The following LUZP2 variants were observed in gnomAD, a reference collection of about 807,000 sequenced individuals.
LUZP2 encodes the protein leucine zipper protein 2.
Under a neutral mutation model 51.6 loss-of-function variants are expected in LUZP2, and 52 were observed. The ratio of observed to expected loss-of-function variants is 1.01; its 90% CI spans 0.81 to 1.27. LUZP2 has a LOEUF of 1.27. LUZP2 is among the 50% of genes most tolerant of loss of function. LUZP2 has a pLI of 0.00. For synonymous variants in LUZP2, 154 were observed against 137.3 expected, an observed-to-expected ratio of 1.12 and a Z score of -0.85; for missense variants, 436 against 395.4, an observed-to-expected ratio of 1.10 and a Z score of -0.87.
Position 25,081,432 on chromosome 11 carries a change from A to G in LUZP2, c.*2774A>G, listed in dbSNP as rs1204437374. On this transcript the variant is annotated 3_prime_UTR_variant, in exon 12 of 12. Transcript: ENST00000336930. ...CATCATTTGTTTAAAAAAAAAAAAG[A>G]AACTTGTAGCAGGAGACATTTAAAA... 1 of 151,972 alleles carries G rather than the reference A, an allele frequency of 6.6e-6. No homozygotes were observed. Among genetic ancestry groups the G allele is most frequent in the Non-Finnish European group, 1.5e-5 (1 of 67,982 alleles). 9.4% of individuals were successfully genotyped at this position (151,972 alleles called of 1,614,324 possible).
chr11:24,588,357 T>A (rs999392038), intron 1 of LUZP2, among the ~76,000 whole-genome samples: 1 of 152,162 alleles, frequency 6.6e-6, no homozygotes, highest in Non-Finnish European at 1.5e-5. Flanking sequence ...GAAGCTGCGA[T>A]TGACCACAAT....
rs187927358 is a variant in LUZP2 at position 25,031,285 on chromosome 11, C to T, written c.766-18753C>T. ...TCGGCATCCCAAAGTGCTGGTATTA[C>T]AGGCGTGAGCCACCATGCCCAGACT... On this transcript the variant is annotated intron_variant, in intron 9 of 11. Coordinates refer to ENST00000336930, the MANE Select transcript of LUZP2 (RefSeq NM_001009909.4). 3.5e-3 allele frequency among the ~76,000 whole-genome samples: 536 copies of T among 151,856 alleles called. 5 individuals carry two copies. In the Middle Eastern group the frequency reaches 0.061, roughly 17 times the overall value.
chr11:24,729,392 T>C (rs1858624774), intron 2 of LUZP2, 106 bp downstream of exon 2: 2 of 554,394 alleles, frequency 3.6e-6, no homozygotes, highest in African/African-American at 3.8e-5. Context: ...TTTCTGGGCT[T>C]GACCATGGTG....
chr11:24,625,050 C>G (rs1426766375), intron 1 of LUZP2, among the ~76,000 whole-genome samples: 4 of 152,036 alleles, frequency 2.6e-5, no homozygotes, highest in African/African-American at 9.7e-5. Context: ...ATGGATGAAA[C>G]TGGATGACAT....
intron 7 of LUZP2, among the ~76,000 whole-genome samples, chr11:24,923,665 C>G (rs561615435): frequency 3.3e-5 from 5 of 152,074 alleles, no homozygotes; most frequent in Admixed American, 6.5e-5. Flanking sequence ...CCACTGCACT[C>G]CAGCCTGGCA....
At chr11:24,672,851 A>G (rs533816576) in intron 1 of LUZP2, among the ~76,000 whole-genome samples, 2 of 152,296 alleles carry the variant, frequency 1.3e-5, no homozygotes, top group South Asian at 4.1e-4. Flanking sequence ...GACCAGTACC[A>G]ATCCGTGGCC....
intron 1 of LUZP2, among the ~76,000 whole-genome samples, chr11:24,669,589 A>G (rs1247281048): frequency 6.6e-6 from 1 of 151,810 alleles, no homozygotes; most frequent in Non-Finnish European, 1.5e-5. Flanking sequence ...TCACTCTCAG[A>G]TATTTAAACA....
At chr11:24,580,337 T>G (rs1852803559) in intron 1 of LUZP2, among the ~76,000 whole-genome samples, 1 of 152,130 alleles carries the variant, frequency 6.6e-6, no homozygotes, top group Non-Finnish European at 1.5e-5. Context: ...CAATTAGAAA[T>G]AAAACAGCTG....
chr11:24,813,058 C>T (rs1311375702), intron 5 of LUZP2, among the ~76,000 whole-genome samples: 1 of 152,162 alleles, frequency 6.6e-6, no homozygotes, highest in Non-Finnish European at 1.5e-5. Context: ...TTTATCCACT[C>T]TTCCTCTTAA....
At chr11:24,979,952 A>C (rs1160036298) in intron 8 of LUZP2, among the ~76,000 whole-genome samples, 1 of 151,792 alleles carries the variant, frequency 6.6e-6, no homozygotes, top group Non-Finnish European at 1.5e-5. Context: ...CTTCTTAATT[A>C]AAAATAAAGA....
At chr11:25,018,090 A>T (rs1272381724) in intron 9 of LUZP2, among the ~76,000 whole-genome samples, 1 of 122,558 alleles carries the variant, frequency 8.2e-6, no homozygotes, top group South Asian at 2.5e-4. Context: ...TGAGTTCTTG[A>T]CTTCTTGATT....
At chr11:24,859,961 T>C (rs1851689326) in intron 5 of LUZP2, among the ~76,000 whole-genome samples, 1 of 151,948 alleles carries the variant, frequency 6.6e-6, no homozygotes, top group African/African-American at 2.4e-5. Flanking sequence ...CGACAAGAAA[T>C]AGCTGCAGCC....
chr11:24,541,332 C>T (rs561645393), intron 1 of LUZP2, among the ~76,000 whole-genome samples: 100 of 150,334 alleles, frequency 6.7e-4, no homozygotes, highest in African/African-American at 2.1e-3. Flanking sequence ...GATTAGATAT[C>T]GTATCATTGC....
At position 24,998,095 on chromosome 11, in the gene LUZP2, C is replaced by T. The variant is rs538753353; in HGVS notation, c.765+14802C>T. On this transcript the variant is annotated intron_variant, in intron 9 of 11. Coordinates refer to ENST00000336930, the MANE Select transcript of LUZP2 (RefSeq NM_001009909.4). ...TTCTTTTTGCTTAGGATTGACTTGG[C>T]GATGCGGGCTCTGTTTCGGTTCCAT... 2.2e-4 allele frequency among the ~76,000 whole-genome samples: 34 copies of T among 152,130 alleles called. 1 individual carries two copies. Among genetic ancestry groups the T allele is most frequent in the East Asian group, 1.7e-3 (9 of 5,150 alleles).
At chr11:24,722,051 C>A (rs1858291294) in intron 1 of LUZP2, among the ~76,000 whole-genome samples, 1 of 151,762 alleles carries the variant, frequency 6.6e-6, no homozygotes, top group African/African-American at 2.4e-5. Context: ...TTATATGTTC[C>A]CGTGCAACAC....
chr11:25,008,728 G>C (rs778459306), intron 9 of LUZP2, among the ~76,000 whole-genome samples: 1 of 152,144 alleles, frequency 6.6e-6, no homozygotes, highest in Non-Finnish European at 1.5e-5. Context: ...TATTGAGTGA[G>C]AGAAAAGCTC....
chr11:24,973,447 C>T (rs1447941590), intron 7 of LUZP2, among the ~76,000 whole-genome samples: 1 of 135,076 alleles, frequency 7.4e-6, no homozygotes, highest in Non-Finnish European at 1.6e-5. Flanking sequence ...TCCTTCAGTT[C>T]AGCTTTGATC....
chr11:24,501,232 C>T (rs896281312), intron 1 of LUZP2, among the ~76,000 whole-genome samples: 5 of 152,194 alleles, frequency 3.3e-5, no homozygotes, highest in Non-Finnish European at 4.4e-5. Flanking sequence ...ATTTTGACTT[C>T]TTACATTGCA....
At chr11:24,695,444 C>A (rs952206537) in intron 1 of LUZP2, among the ~76,000 whole-genome samples, 4 of 151,988 alleles carry the variant, frequency 2.6e-5, no homozygotes, top group Non-Finnish European at 5.9e-5. Flanking sequence ...TTTACCTCAA[C>A]AATTGGTTAT....
Sources: gnomAD v4.1 joint callset for allele counts (sites outside exome capture counted in the v4.1 genomes callset) on GRCh38, gnomAD v4.1.1 for gene constraint, MANE v1.5 for transcripts, NCBI Gene and HGNC (gene_info 2026-07-23, HGNC 2026-07-21) for gene names.